LRRC4C: variants seen among roughly 807,000 people sequenced by gnomAD.
LRRC4C encodes leucine rich repeat containing 4C.
In LRRC4C, 5 loss-of-function variants were observed where a neutral mutation model predicts 33.6. The observed-to-expected ratio is 0.15, with a 90% CI of 0.08 to 0.31. LRRC4C has a LOEUF of 0.31. Ranked by LOEUF, LRRC4C falls within the 10% of genes least tolerant of loss-of-function variation. LRRC4C has a pLI of 1.00. For missense variants in LRRC4C, 560 were observed against 796.7 expected, an observed-to-expected ratio of 0.70 and a Z score of 3.58; for synonymous variants, 329 against 302.0, an observed-to-expected ratio of 1.09 and a Z score of -0.93.
intron 6 of LRRC4C, among the ~76,000 whole-genome samples, chr11:40,119,605 A>C (rs1855680320): frequency 6.6e-6 from 1 of 152,218 alleles, no homozygotes; most frequent in African/African-American, 2.4e-5. Flanking sequence ...ATGTATGACA[A>C]AGCAAATATC....
chr11:41,280,212 C>T (rs762023366), intron 1 of LRRC4C, among the ~76,000 whole-genome samples: 4 of 152,126 alleles, frequency 2.6e-5, no homozygotes, highest in Non-Finnish European at 5.9e-5. Flanking sequence ...TTTCTGAGAG[C>T]GTTGGAGACT....
intron 2 of LRRC4C, among the ~76,000 whole-genome samples, chr11:40,888,974 A>T (rs1811987121): frequency 6.6e-6 from 1 of 152,000 alleles, no homozygotes; most frequent in African/African-American, 2.4e-5. Context: ...TAAAACTACC[A>T]AATATTATCT....
At chr11:41,338,044 G>A (rs1319627190) in intron 1 of LRRC4C, among the ~76,000 whole-genome samples, 1 of 152,206 alleles carries the variant, frequency 6.6e-6, no homozygotes, top group Non-Finnish European at 1.5e-5. Context: ...AACAGATGCT[G>A]TTGAGGCTGT....
At chr11:40,302,033 A>G (rs1162063373) in intron 4 of LRRC4C, among the ~76,000 whole-genome samples, 1 of 152,222 alleles carries the variant, frequency 6.6e-6, no homozygotes, top group Non-Finnish European at 1.5e-5. Context: ...GGGGCTTAGG[A>G]ATCCTTTGAT....
At chr11:41,332,348 T>A (rs560974845) in intron 1 of LRRC4C, among the ~76,000 whole-genome samples, 25 of 152,272 alleles carry the variant, frequency 1.6e-4, no homozygotes, top group African/African-American at 4.3e-4. Flanking sequence ...AGGGTTTTTT[T>A]AAAAATAACT....
intron 3 of LRRC4C, among the ~76,000 whole-genome samples, chr11:40,585,254 G>A (rs1958667191): frequency 6.6e-6 from 1 of 152,052 alleles, no homozygotes; most frequent in Non-Finnish European, 1.5e-5. Context: ...AAAATCGGAA[G>A]ACTAGATAGC....
chr11:41,051,547 A>AAAAAAAAAAAAAAAAAAAAAC (rs1858220640), intron 1 of LRRC4C, among the ~76,000 whole-genome samples: 1 of 141,682 alleles, frequency 7.1e-6, no homozygotes, highest in Admixed American at 7.1e-5. Flanking sequence ...AAAAAAAAAA[A>AAAAAAAAAAAAAAAAAAAAAC]AAAAAAGGAA....
intron 3 of LRRC4C, among the ~76,000 whole-genome samples, chr11:40,563,588 A>G (rs934020626): frequency 2.0e-5 from 3 of 152,214 alleles, no homozygotes; most frequent in African/African-American, 7.2e-5. Context: ...CCTGCAATGA[A>G]AAAGCAGACA....
At chr11:40,455,694 A>C (rs1291317040) in intron 3 of LRRC4C, among the ~76,000 whole-genome samples, 1 of 152,134 alleles carries the variant, frequency 6.6e-6, no homozygotes, top group Non-Finnish European at 1.5e-5. Flanking sequence ...TGTTGCCTTC[A>C]GAATTCATCA....
rs948246065 is a variant in LRRC4C, at chr11:40,359,071, GA to G, written c.-269-39351del. 2.6e-4 allele frequency among the ~76,000 whole-genome samples: 40 copies of G among 151,838 alleles called. No individual in the cohort carries two copies. In the East Asian group the frequency reaches 4.6e-3, roughly 18 times the overall value. On this transcript the variant is annotated intron_variant, in intron 3 of 6. Coordinates refer to ENST00000528697, the MANE Select transcript of LRRC4C (RefSeq NM_001258419.2). ...TAGTCAATCTGATAAATTGTTTAGG[GA>G]AAAAAAAGGAAAGCTGGTGTTTCTC...
At chr11:40,746,720 C>T (rs1171069452) in intron 2 of LRRC4C, among the ~76,000 whole-genome samples, 1 of 152,114 alleles carries the variant, frequency 6.6e-6, no homozygotes, top group Non-Finnish European at 1.5e-5. Context: ...TTGCTCTGCC[C>T]AGTCCATCAC....
chr11:41,053,341 C>CG (rs1194734054), intron 1 of LRRC4C, among the ~76,000 whole-genome samples: 2 of 152,148 alleles, frequency 1.3e-5, no homozygotes, highest in Non-Finnish European at 2.9e-5. Flanking sequence ...GAACTGAGAC[C>CG]GGCTGCTGGC....
intron 3 of LRRC4C, among the ~76,000 whole-genome samples, chr11:40,495,014 C>T (rs1192185609): frequency 6.6e-6 from 1 of 152,158 alleles, no homozygotes; most frequent in Non-Finnish European, 1.5e-5. Context: ...AAGTTCAGCA[C>T]AGTGCTAAGG....
intron 2 of LRRC4C, among the ~76,000 whole-genome samples, chr11:40,821,653 TAATA>T (rs1055844191): frequency 6.6e-6 from 1 of 151,444 alleles, no homozygotes; most frequent in African/African-American, 2.4e-5. Flanking sequence ...TTGTAAAAAT[TAATA>T]AATAAATAAA....
chr11:41,036,552 G>A (rs1428781407), intron 1 of LRRC4C, among the ~76,000 whole-genome samples: 3 of 152,030 alleles, frequency 2.0e-5, no homozygotes. Flanking sequence ...CTCTCCTTCT[G>A]GTGGAAAAAG....
intron 3 of LRRC4C, among the ~76,000 whole-genome samples, chr11:40,346,843 G>GCT (rs1213236622): frequency 6.6e-6 from 1 of 152,178 alleles, no homozygotes; most frequent in African/African-American, 2.4e-5. Context: ...TCAACAATGA[G>GCT]TTTAAAATAT....
chr11:41,193,701 C>T (rs1946061426), intron 1 of LRRC4C, among the ~76,000 whole-genome samples: 1 of 152,082 alleles, frequency 6.6e-6, no homozygotes, highest in Admixed American at 6.6e-5. Context: ...ATGAGTGCTT[C>T]TAAACCAGTG....
intron 3 of LRRC4C, among the ~76,000 whole-genome samples, chr11:40,632,516 G>C (rs983109762): frequency 3.9e-5 from 6 of 152,216 alleles, no homozygotes; most frequent in Non-Finnish European, 7.3e-5. Context: ...AAGCCGTGTA[G>C]AATGAAGATG....
intron 1 of LRRC4C, among the ~76,000 whole-genome samples, chr11:41,109,647 C>T (rs548560462): frequency 3.0e-4 from 45 of 152,052 alleles, no homozygotes; most frequent in Admixed American, 1.4e-3. Context: ...AAGTGCGTAA[C>T]GGAACTAGAA....
Sources: gnomAD v4.1 joint callset for allele counts (sites outside exome capture counted in the v4.1 genomes callset) on GRCh38, gnomAD v4.1.1 for gene constraint, MANE v1.5 for transcripts, NCBI Gene and HGNC (gene_info 2026-07-23, HGNC 2026-07-21) for gene names.